The following EIF3E variants were observed in gnomAD, a reference collection of about 807,000 sequenced individuals.
The protein encoded by EIF3E is eIF-3 p48.
EIF3E carries 25 observed loss-of-function variants against 59.3 expected under a neutral mutation model. That is an observed-to-expected ratio of 0.42 (90% CI 0.31 to 0.59). The LOEUF (loss-of-function observed/expected upper bound fraction) is 0.59, where lower values mean the gene tolerates loss of function less well. EIF3E is among the 20% of genes least tolerant of loss of function. The pLI is 0.15. For missense variants in EIF3E, 317 were observed against 534.3 expected (o/e 0.59, Z 4.01); for synonymous variants, 176 against 170.2 (o/e 1.03, Z -0.26).
chr8:108,226,076 A>G (rs893251446), intron 7 of EIF3E: 2 of 152,150 alleles, frequency 1.3e-5, no homozygotes, highest in Non-Finnish European at 2.9e-5. Context: ...AAATTGTTTC[A>G]TTATTCATTG....
chr8:108,235,592 AAAT>A (rs1239503116), intron 4 of EIF3E, among the ~76,000 whole-genome samples: 3 of 152,208 alleles, frequency 2.0e-5, no homozygotes, highest in African/African-American at 7.2e-5. Flanking sequence ...GGGACTCCTT[AAAT>A]AATTAATTAT....
chr8:108,212,156 G>A (rs971260905), intron 10 of EIF3E, among the ~76,000 whole-genome samples: 6 of 152,160 alleles, frequency 3.9e-5, no homozygotes, highest in African/African-American at 1.4e-4. Flanking sequence ...CCAAAGAGGT[G>A]TCTTAGTAGT....
At chr8:108,207,469 T>C (rs1248335825) in intron 10 of EIF3E, among the ~76,000 whole-genome samples, 1 of 152,178 alleles carries the variant, frequency 6.6e-6, no homozygotes, top group African/African-American at 2.4e-5. Flanking sequence ...TGGCGTAACC[T>C]ATCCCAGAAC....
chr8:108,237,480 G>C (rs1815755607), intron 3 of EIF3E, among the ~76,000 whole-genome samples: 1 of 152,146 alleles, frequency 6.6e-6, no homozygotes. Flanking sequence ...TCATACTCCT[G>C]ACCTCAAGTG....
intron 1 of EIF3E, among the ~76,000 whole-genome samples, chr8:108,243,638 G>GAAAAAA (rs779684560): frequency 3.2e-4 from 23 of 70,976 alleles, no homozygotes; most frequent in South Asian, 1.0e-3. Flanking sequence ...CAAAAAAAAA[G>GAAAAAA]AAAAAAAAAA....
Position 108,247,656 on chromosome 8 carries a change from A to T in EIF3E, c.90+957T>A, listed in dbSNP as rs750364106. ...TTGCTTTTTGTCTTTTGCTACACAA[A>T]ATCCACTCCCCAAATCTAGAGTTCC... On this transcript the variant is annotated intron_variant, in intron 1 of 12. Coordinates refer to ENST00000220849, the MANE Select transcript of EIF3E (RefSeq NM_001568.3). Among the ~76,000 whole-genome samples, 79 of 152,188 alleles carry T rather than the reference A, an allele frequency of 5.2e-4. 1 individual carries two copies. The highest frequency in any genetic ancestry group is 5.9e-4 in the Non-Finnish European group (40 of 68,016).
At chr8:108,237,892 A>G (rs1156338037) in intron 3 of EIF3E, among the ~76,000 whole-genome samples, 1 of 152,242 alleles carries the variant, frequency 6.6e-6, no homozygotes, top group Non-Finnish European at 1.5e-5. Flanking sequence ...AAAAGGGTGA[A>G]TTGTCAGAAA....
chr8:108,217,250 G>A (rs1002695189), intron 8 of EIF3E, 84 bp downstream of exon 8: 16 of 1,106,208 alleles, frequency 1.4e-5, no homozygotes, highest in Non-Finnish European at 2.0e-5. Context: ...TGTACCTTAA[G>A]AACTAAGTCT....
chr8:108,220,569 T>A (rs1454564086), intron 7 of EIF3E, among the ~76,000 whole-genome samples: 1 of 152,226 alleles, frequency 6.6e-6, no homozygotes, highest in Non-Finnish European at 1.5e-5. Flanking sequence ...ATTCTACATA[T>A]AAACACTTTT....
intron 1 of EIF3E, chr8:108,242,454 C>A: frequency 7.8e-7 from 1 of 1,285,282 alleles, no homozygotes; most frequent in African/African-American, 1.5e-5. Flanking sequence ...GATACATATA[C>A]ACAAACTCAC....
At chr8:108,244,657 T>C (rs1026412475) in intron 1 of EIF3E, among the ~76,000 whole-genome samples, 1 of 152,076 alleles carries the variant, frequency 6.6e-6, no homozygotes, top group East Asian at 1.9e-4. Flanking sequence ...CCCTTTCTAA[T>C]TTTTGTAATA....
intron 3 of EIF3E, among the ~76,000 whole-genome samples, chr8:108,239,530 C>T (rs541082791): frequency 3.3e-5 from 5 of 149,348 alleles, no homozygotes; most frequent in East Asian, 3.9e-4. Flanking sequence ...CATTTTCAGT[C>T]GGATAATTCT....
chr8:108,243,319 CAG>C (rs1303287931), intron 1 of EIF3E: 1 of 152,104 alleles, frequency 6.6e-6, no homozygotes, highest in Non-Finnish European at 1.5e-5. Context: ...TAGTGACTAA[CAG>C]GGGTCAAGAT....
At chr8:108,248,475 G>T (rs1815992097) in intron 1 of EIF3E, 138 bp downstream of exon 1, 6 of 755,496 alleles carry the variant, frequency 7.9e-6, no homozygotes, top group Non-Finnish European at 1.3e-5. Flanking sequence ...ACTACCAGAA[G>T]ATCCTTAGTG....
At chr8:108,203,616 C>T (rs1165167323) in intron 10 of EIF3E, 113 bp from the exon 11 acceptor site, 2 of 806,224 alleles carry the variant, frequency 2.5e-6, no homozygotes, top group Non-Finnish European at 4.1e-6. Context: ...TTCTGGATCA[C>T]CCTTCTCTTA....
At chr8:108,237,157 G>T (rs552614251) in intron 3 of EIF3E, among the ~76,000 whole-genome samples, 1 of 152,196 alleles carries the variant, frequency 6.6e-6, no homozygotes, top group Non-Finnish European at 1.5e-5. Flanking sequence ...ATTATCTTGA[G>T]ATGTTGACAG....
At position 108,202,892 on chromosome 8, in the gene EIF3E, C is replaced by T. The variant is rs546966907; in HGVS notation, c.1299+91G>A. On this transcript the variant is annotated intron_variant, in intron 12 of 12. Transcript: ENST00000220849. ...ATATCTTTAAAGAGAAAAACAAAATCAGCTACAACTCATCAATACACTTTG... is the reference window on the plus strand; with the variant it reads ...ATATCTTTAAAGAGAAAAACAAAATTAGCTACAACTCATCAATACACTTTG... The T allele has an allele frequency of 1.7e-4, 237 of 1,361,110 alleles. 2 individuals carry two copies. The Middle Eastern group carries it at 4.5e-3, about 26-fold the overall frequency. 84.3% of individuals were successfully genotyped at this position (1,361,110 alleles called of 1,614,324 possible).
intron 1 of EIF3E, among the ~76,000 whole-genome samples, chr8:108,243,126 C>T (rs544128269): frequency 6.6e-6 from 1 of 152,216 alleles, no homozygotes; most frequent in African/African-American, 2.4e-5. Context: ...GATTAACATT[C>T]GGCACTGAAA....
At chr8:108,204,756 G>T (rs868484113) in intron 10 of EIF3E, among the ~76,000 whole-genome samples, 7,500 of 104,908 alleles carry the variant, frequency 0.071, 339 homozygotes, top group African/African-American at 0.15. Context: ...TAGAGAGAGA[G>T]AGAGAGAGAG....
Sources: allele counts gnomAD v4.1 joint callset (sites outside exome capture counted in the v4.1 genomes callset), GRCh38; gene constraint gnomAD v4.1.1; transcripts MANE v1.5; gene names NCBI Gene and HGNC (gene_info 2026-07-23, HGNC 2026-07-21).